The following CSMD3 variants were observed in gnomAD, a reference collection of about 807,000 sequenced individuals.
The protein encoded by CSMD3 is CUB and Sushi multiple domains 3, also known as CUB and sushi domain-containing protein 3.
In CSMD3, 177 loss-of-function variants were observed where a neutral mutation model predicts 435.2. The observed-to-expected ratio is 0.41, with a 90% confidence interval of 0.36 to 0.46. The LOEUF is 0.46. CSMD3 is among the 20% of genes least tolerant of loss of function. CSMD3 has a pLI of 0.34. For synonymous variants in CSMD3, 1,656 were observed against 1,520.5 expected, an observed-to-expected ratio of 1.09 and a Z score of -2.07; for missense variants, 4,265 against 4,504.6, an observed-to-expected ratio of 0.95 and a Z score of 1.52.
intron 5 of CSMD3, among the ~76,000 whole-genome samples, chr8:113,077,575 A>T (rs866972994): frequency 3.9e-5 from 6 of 151,978 alleles, no homozygotes; most frequent in African/African-American, 1.2e-4. Flanking sequence ...GGTGGCATGC[A>T]CCTGTAATCC....
intron 27 of CSMD3, among the ~76,000 whole-genome samples, chr8:112,530,850 T>C (rs192781414): frequency 6.6e-6 from 1 of 152,310 alleles, no homozygotes; most frequent in Non-Finnish European, 1.5e-5. Flanking sequence ...TAGAAATCTG[T>C]AGCCACAGCC....
intron 22 of CSMD3, among the ~76,000 whole-genome samples, chr8:112,627,460 G>T (rs571119392): frequency 6.6e-6 from 1 of 152,174 alleles, no homozygotes; most frequent in South Asian, 2.1e-4. Context: ...CTGCAACAGA[G>T]ATTCCACACA....
At position 113,314,706 on chromosome 8, in the gene CSMD3, G is replaced by A. The variant is rs551909940; in HGVS notation, c.266C>T (p.Ala89Val). 1 of 1,612,496 alleles carries A rather than the reference G, an allele frequency of 6.2e-7. No homozygotes were observed. The highest frequency in any genetic ancestry group is 1.1e-5 in the South Asian group (1 of 91,068). Residue 89 changes from alanine (A) to valine (V), a missense_variant, in exon 2 of 71, where the codon GCA (alanine) becomes GTA (valine). Ala to Val is a moderately conservative substitution (Grantham distance 64). This residue lies in a region of CSMD3 where 731 missense variants were observed against 755.4 expected (regional missense o/e 0.97). Transcript: ENST00000297405. The stretch of plus-strand genomic sequence containing the variant: ...TGCTATTATTACCCATGTGCAGTTT[G>A]CACCATTTGGATATCCATATGGAAA... ...PGFPYGYPNG[A>V]NCTWVIIAEE... is the part of the protein sequence containing the mutation.
intron 17 of CSMD3, among the ~76,000 whole-genome samples, chr8:112,664,520 A>C (rs2075469955): frequency 1.3e-5 from 2 of 152,210 alleles, no homozygotes; most frequent in Admixed American, 6.6e-5. Flanking sequence ...AGCAACAACA[A>C]CAACAAAATG....
intron 1 of CSMD3, 114 bp downstream of exon 1, chr8:113,436,563 G>C (rs201638003): frequency 2.3e-6 from 2 of 886,422 alleles, no homozygotes; most frequent in African/African-American, 3.5e-5. Context: ...AACTCCTTTA[G>C]TATTATCAGA....
At chr8:113,211,688 C>CA (rs2092836785) in intron 3 of CSMD3, among the ~76,000 whole-genome samples, 1 of 151,676 alleles carries the variant, frequency 6.6e-6, no homozygotes, top group African/African-American at 2.4e-5. Context: ...GACTCCGTCT[C>CA]AAAAAATAAA....
intron 6 of CSMD3, among the ~76,000 whole-genome samples, chr8:113,006,154 T>C (rs7004426): frequency 0.6 from 91,830 of 151,902 alleles, 29,373 homozygotes; most frequent in East Asian, 0.95. Flanking sequence ...CCTAATAAAT[T>C]CCTTTCTTTG....
At chr8:112,489,839 C>T (rs1028778093) in intron 31 of CSMD3, among the ~76,000 whole-genome samples, 5 of 152,022 alleles carry the variant, frequency 3.3e-5, no homozygotes, top group African/African-American at 9.7e-5. Flanking sequence ...AAATTTTATT[C>T]GATTTCCATA....
chr8:112,701,030 G>C (rs768101038), intron 13 of CSMD3, among the ~76,000 whole-genome samples: 3 of 152,000 alleles, frequency 2.0e-5, no homozygotes, highest in Non-Finnish European at 4.4e-5. Context: ...CCTTATATTT[G>C]ATTCTCCAAT....
intron 35 of CSMD3, among the ~76,000 whole-genome samples, chr8:112,397,777 T>A (rs993179324): frequency 6.6e-6 from 1 of 152,184 alleles, no homozygotes; most frequent in African/African-American, 2.4e-5. Context: ...TTCTAACATA[T>A]GAATTTGGGG....
At chr8:112,578,923 AT>A (rs1298799983) in intron 23 of CSMD3, among the ~76,000 whole-genome samples, 4 of 152,030 alleles carry the variant, frequency 2.6e-5, no homozygotes, top group Non-Finnish European at 5.9e-5. Flanking sequence ...GTGTCGAGCA[AT>A]GTACAAATAG....
chr8:112,833,024 T>C (rs1323996198), intron 11 of CSMD3, among the ~76,000 whole-genome samples: 1 of 152,098 alleles, frequency 6.6e-6, no homozygotes, highest in Non-Finnish European at 1.5e-5. Flanking sequence ...TAAGTTTGTA[T>C]GTACCCGAAC....
At chr8:112,339,930 G>A (rs756904463) in intron 42 of CSMD3, among the ~76,000 whole-genome samples, 8 of 152,032 alleles carry the variant, frequency 5.3e-5, no homozygotes, top group South Asian at 2.1e-4. Flanking sequence ...TTAATAATAC[G>A]TCAGTAACAG....
chr8:112,494,504 T>TTTCTTTCTTTCC lies in CSMD3; in HGVS notation c.5084-1822_5084-1821insGGAAAGAAAGAA, dbSNP rs1821081947. On this transcript the variant is annotated intron_variant, in intron 30 of 70. Coordinates refer to ENST00000297405, the MANE Select transcript of CSMD3 (RefSeq NM_198123.2). Reference sequence around the variant, plus strand: ...TTTGTTTCTTTCTCTCCTTTCTTTCTTTCTTTCTTTCTTTCTTTCTTTCTT... The same window carrying TTTCTTTCTTTCC: ...TTTGTTTCTTTCTCTCCTTTCTTTCTTTCTTTCTTTCCTTCTTTCTTTCTTTCTTTCTTTCTT... 3.7e-5 allele frequency among the ~76,000 whole-genome samples: 2 copies of TTTCTTTCTTTCC among 54,198 alleles called. 1 individual carries two copies. Among genetic ancestry groups the TTTCTTTCTTTCC allele is most frequent in the African/African-American group, 1.2e-4 (2 of 16,736 alleles). The allele number at this position is 54,198 out of a possible 152,430, so 35.6% of individuals were successfully genotyped here. A position where few individuals can be genotyped will look rare whatever the true frequency, so the allele number is the denominator to read the frequency against.
chr8:112,624,889 T>C (rs1834356891), intron 22 of CSMD3, among the ~76,000 whole-genome samples: 1 of 152,022 alleles, frequency 6.6e-6, no homozygotes, highest in Admixed American at 6.6e-5. Flanking sequence ...ATTTAAGCAA[T>C]TTACATGTAA....
At chr8:113,074,936 A>T (rs1316193339) in intron 5 of CSMD3, among the ~76,000 whole-genome samples, 1 of 151,852 alleles carries the variant, frequency 6.6e-6, no homozygotes, top group Non-Finnish European at 1.5e-5. Context: ...GACAATTCAA[A>T]AAGTATGTTA....
intron 3 of CSMD3, among the ~76,000 whole-genome samples, chr8:113,231,829 A>C (rs2093091484): frequency 6.6e-6 from 1 of 151,624 alleles, no homozygotes; most frequent in Admixed American, 6.6e-5. Flanking sequence ...ATAACATGAA[A>C]AGTGAATGAT....
chr8:113,081,233 T>C (rs1346570263), intron 5 of CSMD3, among the ~76,000 whole-genome samples: 1 of 152,154 alleles, frequency 6.6e-6, no homozygotes, highest in African/African-American at 2.4e-5. Context: ...CCGGATACCA[T>C]AATCTCAAAA....
intron 22 of CSMD3, among the ~76,000 whole-genome samples, chr8:112,631,380 T>C (rs189616130): frequency 6.6e-6 from 1 of 152,214 alleles, no homozygotes; most frequent in East Asian, 1.9e-4. Context: ...TGGAGCACTT[T>C]ACAGAAAAAG....
Sources: allele counts gnomAD v4.1 joint callset (sites outside exome capture counted in the v4.1 genomes callset), GRCh38; gene constraint gnomAD v4.1.1; regional missense constraint gnomAD v4.1.1; transcripts MANE v1.5; gene names NCBI Gene and HGNC (gene_info 2026-07-23, HGNC 2026-07-21).